GSK3B: variants seen among roughly 807,000 people sequenced by gnomAD.
GSK3B encodes the protein glycogen synthase kinase 3 beta, also known as glycogen synthase kinase-3 beta.
Under a neutral mutation model 56.4 loss-of-function variants are expected in GSK3B, and 15 were observed. That is an observed-to-expected ratio of 0.27 (90% confidence interval 0.18 to 0.41). The LOEUF (loss-of-function observed/expected upper bound fraction) is 0.41. Ranked by LOEUF, GSK3B falls within the 10% of genes least tolerant of loss-of-function variation. GSK3B has a pLI of 1.00. For missense variants in GSK3B, 300 were observed against 513.4 expected (o/e 0.58, Z 4.02); for synonymous variants, 181 against 188.9 (o/e 0.96, Z 0.34).
chr3:119,956,789 T>C (rs996165597), intron 2 of GSK3B, among the ~76,000 whole-genome samples: 55 of 152,004 alleles, frequency 3.6e-4, no homozygotes, highest in Admixed American at 8.5e-4. Context: ...AAGGAATCAA[T>C]ACAAGAGACA....
intron 6 of GSK3B, among the ~76,000 whole-genome samples, chr3:119,910,764 T>C (rs975563626): frequency 6.6e-6 from 1 of 152,250 alleles, no homozygotes; most frequent in Non-Finnish European, 1.5e-5. Flanking sequence ...CCCCTGCTGC[T>C]GCTTTATCAA....
At chr3:120,057,332 C>T (rs2058199528) in intron 1 of GSK3B, among the ~76,000 whole-genome samples, 1 of 152,086 alleles carries the variant, frequency 6.6e-6, no homozygotes, top group Non-Finnish European at 1.5e-5. Flanking sequence ...TGACTAGGAA[C>T]TTCTAGAAGG....
At chr3:119,981,469 G>C (rs1449405793) in intron 2 of GSK3B, among the ~76,000 whole-genome samples, 1 of 152,214 alleles carries the variant, frequency 6.6e-6, no homozygotes, top group Non-Finnish European at 1.5e-5. Context: ...AGACTACCTG[G>C]AAAAATGGGA....
At chr3:119,876,270 C>G in intron 8 of GSK3B, 143 bp downstream of exon 8, 1 of 588,826 alleles carries the variant, frequency 1.7e-6, no homozygotes, top group South Asian at 2.3e-5. Flanking sequence ...CAATGAAACA[C>G]TCAAGTACAT....
intron 2 of GSK3B, among the ~76,000 whole-genome samples, chr3:119,986,364 C>T (rs909440749): frequency 6.6e-5 from 10 of 151,892 alleles, no homozygotes; most frequent in African/African-American, 2.2e-4. Context: ...AACTTCTGCA[C>T]GGTGAAAGAA....
At position 119,972,458 on chromosome 3, in the gene GSK3B, C is replaced by T. The variant is rs1012518488; in HGVS notation, c.283-25107G>A. 3.9e-4 allele frequency among the ~76,000 whole-genome samples: 60 copies of T among 152,110 alleles called. 2 individuals are homozygous for T. Among genetic ancestry groups the T allele is most frequent in the Admixed American group, 3.3e-3 (51 of 15,276 alleles). On this transcript the variant is annotated intron_variant, in intron 2 of 10. Coordinates refer to ENST00000264235, the MANE Select transcript of GSK3B (RefSeq NM_001146156.2). ...TGTTTGTTTGTTTGTTTTTTTGAGA[C>T]GGAGTCTCGCTCTGTAGTCCAGCCT...
At chr3:120,092,722 G>A (rs1365837448) in intron 1 of GSK3B, among the ~76,000 whole-genome samples, 1 of 152,176 alleles carries the variant, frequency 6.6e-6, no homozygotes, top group African/African-American at 2.4e-5. Context: ...CTGCTGCTAG[G>A]TATTTATTGG....
At chr3:119,925,894 GTCA>G (rs957043423) in intron 3 of GSK3B, among the ~76,000 whole-genome samples, 23 of 152,146 alleles carry the variant, frequency 1.5e-4, no homozygotes, top group African/African-American at 5.3e-4. Context: ...CCAATTTTCA[GTCA>G]TCATGTTACC....
intron 2 of GSK3B, among the ~76,000 whole-genome samples, chr3:119,979,159 A>G (rs1000593128): frequency 2.0e-5 from 3 of 152,154 alleles, no homozygotes; most frequent in Non-Finnish European, 4.4e-5. Flanking sequence ...CGAAAATGGC[A>G]TCTTTAACTT....
At chr3:119,902,304 T>C (rs985066552) in intron 7 of GSK3B, among the ~76,000 whole-genome samples, 1 of 152,094 alleles carries the variant, frequency 6.6e-6, no homozygotes, top group East Asian at 1.9e-4. Context: ...ACCTCATATA[T>C]ATTTAACATT....
At chr3:119,919,924 T>C (rs2056822555) in intron 4 of GSK3B, among the ~76,000 whole-genome samples, 1 of 152,022 alleles carries the variant, frequency 6.6e-6, no homozygotes, top group African/African-American at 2.4e-5. Context: ...GAGAAAAATG[T>C]GTACCTTATG....
chr3:120,068,702 AAAAT>A (rs1055434203), intron 1 of GSK3B, among the ~76,000 whole-genome samples: 10 of 151,894 alleles, frequency 6.6e-5, no homozygotes, highest in African/African-American at 2.2e-4. Context: ...CCTGTCTCAA[AAAAT>A]AAATAAATAA....
intron 9 of GSK3B, among the ~76,000 whole-genome samples, chr3:119,846,932 T>C (rs1436334863): frequency 1.3e-5 from 2 of 152,206 alleles, no homozygotes; most frequent in African/African-American, 2.4e-5. Flanking sequence ...GTGGCCCATA[T>C]ACATCACAGA....
intron 10 of GSK3B, among the ~76,000 whole-genome samples, chr3:119,840,962 G>T (rs1343238724): frequency 6.6e-6 from 1 of 152,120 alleles, no homozygotes; most frequent in Non-Finnish European, 1.5e-5. Flanking sequence ...AATTTTAACA[G>T]AATTATAACA....
chr3:119,975,871 G>A (rs1186496491), intron 2 of GSK3B, among the ~76,000 whole-genome samples: 2 of 152,080 alleles, frequency 1.3e-5, no homozygotes, highest in Admixed American at 1.3e-4. Context: ...GTGTATATAT[G>A]GCAATTCTCT....
At chr3:119,938,201 A>G (rs2057014372) in intron 3 of GSK3B, among the ~76,000 whole-genome samples, 1 of 152,136 alleles carries the variant, frequency 6.6e-6, no homozygotes, top group African/African-American at 2.4e-5. Flanking sequence ...TTTACTAAAG[A>G]AGAAATTAAC....
At chr3:119,925,442 C>T (rs371464118) in intron 3 of GSK3B, among the ~76,000 whole-genome samples, 1 of 152,144 alleles carries the variant, frequency 6.6e-6, no homozygotes, top group South Asian at 2.1e-4. Flanking sequence ...CTAACCTCAG[C>T]CTCAACAGAT....
intron 1 of GSK3B, among the ~76,000 whole-genome samples, chr3:120,088,147 C>CTCCCAAA (rs2107584726): frequency 6.6e-6 from 1 of 152,318 alleles, no homozygotes; most frequent in South Asian, 2.1e-4. Flanking sequence ...CCGCCTCGGC[C>CTCCCAAA]TCCCAAAGTG....
chr3:119,906,832 C>T (rs568633874), intron 6 of GSK3B, among the ~76,000 whole-genome samples: 1 of 151,986 alleles, frequency 6.6e-6, no homozygotes, highest in Non-Finnish European at 1.5e-5. Context: ...TGGTTGACAA[C>T]AAAAAATTTT....
Sources: gnomAD v4.1 joint callset for allele counts (sites outside exome capture counted in the v4.1 genomes callset) on GRCh38, gnomAD v4.1.1 for gene constraint, MANE v1.5 for transcripts, NCBI Gene and HGNC (gene_info 2026-07-23, HGNC 2026-07-21) for gene names.